EPSTI1: variants seen among roughly 807,000 people sequenced by gnomAD.
EPSTI1 encodes the protein epithelial stromal interaction 1.
In EPSTI1, 66 loss-of-function variants were observed where a neutral mutation model predicts 49.9. That is an observed-to-expected ratio of 1.32 (90% CI 1.08 to 1.62). The LOEUF (loss-of-function observed/expected upper bound fraction) is 1.62. Among genes scored for constraint, EPSTI1 ranks in the 40% most tolerant of loss-of-function variants. The pLI is 0.00. For missense variants in EPSTI1, 394 were observed against 365.5 expected (o/e 1.08, Z -0.64); for synonymous variants, 137 against 130.7 (o/e 1.05, Z -0.33).
intron 1 of EPSTI1, among the ~76,000 whole-genome samples, chr13:42,988,470 C>A (rs181064505): frequency 1.3e-5 from 2 of 152,174 alleles, no homozygotes; most frequent in African/African-American, 2.4e-5. Context: ...CGGTGGCTCA[C>A]GCCTGTAATC....
chr13:42,969,072 G>A (rs373989158), intron 3 of EPSTI1, 22 bp downstream of exon 3: 11 of 1,613,336 alleles, frequency 6.8e-6, no homozygotes, highest in African/African-American at 6.7e-5. Context: ...CCCTCATTCC[G>A]GCAGCGGCTG....
intron 8 of EPSTI1, among the ~76,000 whole-genome samples, chr13:42,905,506 CAG>C (rs1178704929): frequency 6.6e-6 from 1 of 152,172 alleles, no homozygotes; most frequent in Non-Finnish European, 1.5e-5. Flanking sequence ...TGAGATCCCA[CAG>C]AGAAGTTCAA....
chr13:42,910,628 C>G (rs1304083647), intron 8 of EPSTI1, among the ~76,000 whole-genome samples: 1 of 152,106 alleles, frequency 6.6e-6, no homozygotes, highest in Non-Finnish European at 1.5e-5. Context: ...GCAAATTGCT[C>G]CCATGCATAA....
intron 6 of EPSTI1, among the ~76,000 whole-genome samples, chr13:42,948,279 T>C (rs1252383208): frequency 1.3e-5 from 2 of 152,212 alleles, no homozygotes; most frequent in African/African-American, 2.4e-5. Flanking sequence ...GCCCTGCCAG[T>C]GCACAGCCAT....
chr13:42,939,229 T>G (rs1163236864), intron 6 of EPSTI1, among the ~76,000 whole-genome samples: 1 of 152,200 alleles, frequency 6.6e-6, no homozygotes, highest in Non-Finnish European at 1.5e-5. Context: ...TTGAACTTTC[T>G]TCATATTAGC....
Position 42,970,624 on chromosome 13 carries a change from C to A in EPSTI1, c.235G>T (p.Glu79Ter), listed in dbSNP as rs2039742722. The change falls in exon 2 of 11, where the codon GAG becomes TAG. Residue 79 changes from glutamate (E) to a stop codon, truncating the protein, a stop_gained. Coordinates refer to ENST00000313624, the MANE Select transcript of EPSTI1 (RefSeq NM_033255.5). LOFTEE classifies it high-confidence loss of function. Reference sequence around the variant, plus strand: ...TGACTATACATACTTCTTTGTATCTCATTTCTCCGGTTTATATTTGGTGCT... The same window carrying A: ...TGACTATACATACTTCTTTGTATCTAATTTCTCCGGTTTATATTTGGTGCT... The part of the protein sequence containing the change: ...LIAPNINRRN[E>*]IQRIAEQELA... 1 of 1,609,986 alleles carries A rather than the reference C, an allele frequency of 6.2e-7. No homozygotes were observed. The highest frequency in any genetic ancestry group is 8.5e-7 in the Non-Finnish European group (1 of 1,178,634).
chr13:42,902,133 G>T (rs934709391), intron 8 of EPSTI1, among the ~76,000 whole-genome samples: 1 of 151,968 alleles, frequency 6.6e-6, no homozygotes, highest in Admixed American at 6.6e-5. Flanking sequence ...ATTATCTTTT[G>T]ACTACCTACA....
intron 6 of EPSTI1, among the ~76,000 whole-genome samples, chr13:42,952,942 C>A (rs983302638): frequency 6.6e-5 from 10 of 152,162 alleles, no homozygotes; most frequent in African/African-American, 2.4e-4. Flanking sequence ...TGGAGGCTGT[C>A]ACAAATATGC....
At chr13:42,900,107 T>C (rs558573234) in intron 9 of EPSTI1, among the ~76,000 whole-genome samples, 2 of 152,328 alleles carry the variant, frequency 1.3e-5, no homozygotes, top group South Asian at 4.1e-4. Flanking sequence ...AAATTGTGCA[T>C]GCACATATGT....
In EPSTI1 at chr13:42,945,344, G is replaced by A. The variant is rs551311503; in HGVS notation, c.563+8604C>T. Among the ~76,000 whole-genome samples the A allele has an allele frequency of 5.9e-5, 9 of 152,160 alleles. No homozygotes were observed. The South Asian group carries it at 1.2e-3, about 21-fold the overall frequency. ...CCACCCCCATGATTCAATTACCTCC[G>A]GCCAGGTCCCTCCCACAACACATGG... On this transcript the variant is annotated intron_variant, in intron 6 of 10. Transcript: ENST00000313624.
intron 1 of EPSTI1, among the ~76,000 whole-genome samples, chr13:42,979,812 C>T (rs2153435333): frequency 6.6e-6 from 1 of 152,214 alleles, no homozygotes; most frequent in South Asian, 2.1e-4. Context: ...CAGTCTCCTA[C>T]TTAAATATAA....
At position 42,921,068 on chromosome 13, in the gene EPSTI1, A is replaced by G. The variant is rs184125582; in HGVS notation, c.658-3444T>C. ...TAAATCCGGGAGGTCTACAATTTGA[A>G]TAATAGAAATTCCATAAAGAGAAAA... On this transcript the variant is annotated intron_variant, in intron 7 of 10. Coordinates refer to ENST00000313624, the MANE Select transcript of EPSTI1 (RefSeq NM_033255.5). 5.9e-5 allele frequency among the ~76,000 whole-genome samples: 9 copies of G among 152,322 alleles called. No individual in the cohort carries two copies. In the East Asian group the frequency reaches 1.5e-3, roughly 26 times the overall value.
intron 6 of EPSTI1, among the ~76,000 whole-genome samples, chr13:42,927,517 C>T (rs2038222446): frequency 6.6e-6 from 1 of 152,142 alleles, no homozygotes; most frequent in Non-Finnish European, 1.5e-5. Flanking sequence ...TCATCAAGTA[C>T]TTAGGACATG....
intron 6 of EPSTI1, among the ~76,000 whole-genome samples, chr13:42,952,777 C>T (rs1458726121): frequency 2.6e-5 from 4 of 152,182 alleles, no homozygotes; most frequent in Non-Finnish European, 5.9e-5. Flanking sequence ...AAACACAGTA[C>T]CTAACTTGCT....
chr13:42,909,184 A>G (rs2037592742), intron 8 of EPSTI1, among the ~76,000 whole-genome samples: 1 of 152,182 alleles, frequency 6.6e-6, no homozygotes, highest in African/African-American at 2.4e-5. Flanking sequence ...TATATGAAAA[A>G]ATGCTCAACA....
intron 1 of EPSTI1, among the ~76,000 whole-genome samples, chr13:42,987,061 A>G (rs2040098060): frequency 6.6e-6 from 1 of 152,148 alleles, no homozygotes; most frequent in African/African-American, 2.4e-5. Context: ...TCATAAATAT[A>G]GTAATTTCTG....
intron 6 of EPSTI1, among the ~76,000 whole-genome samples, chr13:42,935,084 C>T (rs967121052): frequency 6.6e-6 from 1 of 152,190 alleles, no homozygotes; most frequent in Non-Finnish European, 1.5e-5. Context: ...CAGGGCCATA[C>T]CCTGGACATT....
intron 5 of EPSTI1, among the ~76,000 whole-genome samples, chr13:42,956,806 T>C (rs1478627601): frequency 6.6e-6 from 1 of 152,082 alleles, no homozygotes; most frequent in Non-Finnish European, 1.5e-5. Flanking sequence ...AAGAAGCTCA[T>C]GGATAAATTG....
intron 7 of EPSTI1, among the ~76,000 whole-genome samples, chr13:42,918,798 G>C (rs1342922391): frequency 6.6e-6 from 1 of 152,130 alleles, no homozygotes; most frequent in East Asian, 1.9e-4. Flanking sequence ...AAACTCAAGG[G>C]GACTGTGCTA....
Sources: gnomAD v4.1 joint callset for allele counts (sites outside exome capture counted in the v4.1 genomes callset) on GRCh38, gnomAD v4.1.1 for gene constraint, MANE v1.5 for transcripts, NCBI Gene and HGNC (gene_info 2026-07-23, HGNC 2026-07-21) for gene names.